DDAH1: variants seen among roughly 807,000 people sequenced by gnomAD.
The protein encoded by DDAH1 is dimethylarginine dimethylaminohydrolase 1.
A neutral mutation model predicts 28.8 loss-of-function variants in DDAH1; 19 were observed. That is an observed-to-expected ratio of 0.66 (90% confidence interval 0.46 to 0.97). The LOEUF (loss-of-function observed/expected upper bound fraction) is 0.97. Ranked by LOEUF, DDAH1 falls within the 50% of genes least tolerant of loss-of-function variation. DDAH1 has a pLI of 0.00. For missense variants in DDAH1, 326 were observed against 375.9 expected, an observed-to-expected ratio of 0.87 and a Z score of 1.10; for synonymous variants, 153 against 154.4, an observed-to-expected ratio of 0.99 and a Z score of 0.07.
Position 85,464,391 on chromosome 1 carries a change from C to T in DDAH1, c.303+352G>A. ...CCCGCCCTACCGGAGCGGCACCCCT[C>T]GCGGCCCTCGCTCCCTGGGAAACAC... On this transcript the variant is annotated intron_variant, in intron 1 of 5. Coordinates refer to ENST00000284031, the MANE Select transcript of DDAH1 (RefSeq NM_012137.4). This position sits in a 1 kb window ranked among gnomAD's most constrained non-coding sequence, Gnocchi z 4.4. 1 of 1,105,304 alleles carries T rather than the reference C, an allele frequency of 9.0e-7. No individual in the cohort carries two copies. The highest frequency in any genetic ancestry group is 1.2e-6 in the Non-Finnish European group (1 of 808,708). The allele number at this position is 1,105,304 out of a possible 1,614,324, so 68.5% of individuals were successfully genotyped here.
At chr1:85,546,504 C>T (rs1019001771) in intron 1 of DDAH1, among the ~76,000 whole-genome samples, 1 of 152,148 alleles carries the variant, frequency 6.6e-6, no homozygotes, top group African/African-American at 2.4e-5. Flanking sequence ...TTGTTGGCTC[C>T]TCCATCTCTA....
chr1:85,558,401 T>C (rs1336861300), intron 1 of DDAH1, among the ~76,000 whole-genome samples: 1 of 152,186 alleles, frequency 6.6e-6, no homozygotes, highest in Non-Finnish European at 1.5e-5. Flanking sequence ...TTAAGACATA[T>C]AGCTGTTTCT....
chr1:85,411,799 C>A (rs146994432), intron 1 of DDAH1, among the ~76,000 whole-genome samples: 2 of 152,294 alleles, frequency 1.3e-5, no homozygotes, highest in East Asian at 1.9e-4. Context: ...TAGAAGTATT[C>A]TGATCATGCT....
chr1:85,419,237 A>G (rs1653021314), intron 1 of DDAH1, among the ~76,000 whole-genome samples: 1 of 152,060 alleles, frequency 6.6e-6, no homozygotes, highest in South Asian at 2.1e-4. Context: ...AACAGTAGCA[A>G]TAAGAAAGTT....
At chr1:85,419,311 G>C (rs1415332693) in intron 1 of DDAH1, among the ~76,000 whole-genome samples, 2 of 151,840 alleles carry the variant, frequency 1.3e-5, no homozygotes, top group Non-Finnish European at 2.9e-5. Context: ...GGCCGAGGTG[G>C]GCAGATCACC....
chr1:85,401,414 T>G (rs916931218), intron 1 of DDAH1, among the ~76,000 whole-genome samples: 2 of 152,106 alleles, frequency 1.3e-5, no homozygotes. Flanking sequence ...TTATATTTAC[T>G]TTTAGGAAAA....
intron 1 of DDAH1, among the ~76,000 whole-genome samples, chr1:85,401,329 T>A (rs2100576827): frequency 1.3e-5 from 2 of 152,278 alleles, no homozygotes; most frequent in Middle Eastern, 3.4e-3. Context: ...ATTTATTCAC[T>A]TCCTTGGAGC....
chr1:85,482,774 T>G (rs1434744904), intron 2 of DDAH1, among the ~76,000 whole-genome samples: 1 of 152,214 alleles, frequency 6.6e-6, no homozygotes, highest in Non-Finnish European at 1.5e-5. Context: ...CATGTGACCC[T>G]TTACTATGTC....
intron 1 of DDAH1, among the ~76,000 whole-genome samples, chr1:85,447,126 C>T (rs536026278): frequency 6.6e-6 from 1 of 152,290 alleles, no homozygotes; most frequent in African/African-American, 2.4e-5. Context: ...ACAGGAGACA[C>T]CAATCACTGC....
chr1:85,545,512 G>GC (rs893737673), intron 1 of DDAH1, among the ~76,000 whole-genome samples: 1 of 152,156 alleles, frequency 6.6e-6, no homozygotes, highest in Non-Finnish European at 1.5e-5. Context: ...CATCCTGGCA[G>GC]CAGTGGGGCC....
At chr1:85,335,657 G>C (rs1453362957) in intron 4 of DDAH1, among the ~76,000 whole-genome samples, 4 of 152,132 alleles carry the variant, frequency 2.6e-5, no homozygotes, top group Admixed American at 1.3e-4. Context: ...GAAGCACCCA[G>C]ATATAAAAAG....
chr1:85,362,093 C>T (rs1170162008), intron 1 of DDAH1, among the ~76,000 whole-genome samples: 1 of 152,156 alleles, frequency 6.6e-6, no homozygotes, highest in East Asian at 1.9e-4. Flanking sequence ...CAGATCCCAT[C>T]TGCTTTCCTG....
At chr1:85,469,727 G>A (rs369181266), upstream of DDAH1, among the ~76,000 whole-genome samples, 169 of 152,242 alleles carry the variant, frequency 1.1e-3, 1 homozygote, top group Middle Eastern at 0.024. Flanking sequence ...ACCCACAAGT[G>A]TAATCATAGA....
chr1:85,452,899 C>A (rs561131936), intron 1 of DDAH1, among the ~76,000 whole-genome samples: 201 of 152,328 alleles, frequency 1.3e-3, no homozygotes, highest in Non-Finnish European at 2.6e-3. Context: ...ACTCAAGAAT[C>A]CCTGTAAACA....
chr1:85,404,559 TAGG>T, intron 1 of DDAH1: 3 of 1,343,658 alleles, frequency 2.2e-6, no homozygotes, highest in Non-Finnish European at 1.9e-6. Context: ...GAAAAAAAAA[TAGG>T]AGTTCATTTT....
rs978762738 is a variant in DDAH1 at position 85,318,736 on chromosome 1, A to G, written c.*2716T>C. 6.6e-6 allele frequency: 1 copy of G among 152,630 alleles called. No homozygotes were observed. The highest frequency in any genetic ancestry group is 2.4e-5 in the African/African-American group (1 of 41,440). The allele number at this position is 152,630 out of a possible 1,614,324, so 9.5% of individuals were successfully genotyped here. A position where few individuals can be genotyped will look rare whatever the true frequency, so the allele number is the denominator to read the frequency against. On this transcript the variant is annotated 3_prime_UTR_variant, in exon 6 of 6. Coordinates refer to ENST00000284031, the MANE Select transcript of DDAH1 (RefSeq NM_012137.4). The stretch of plus-strand genomic sequence containing the variant: ...AGAAAGTTAAAGTGTAAATAATTAC[A>G]AAGACTGACATGCAACTCTTTACCT...
intron 1 of DDAH1, among the ~76,000 whole-genome samples, chr1:85,532,037 A>G (rs1424447968): frequency 3.3e-5 from 5 of 151,696 alleles, no homozygotes; most frequent in African/African-American, 4.8e-5. Flanking sequence ...ACAGCTAACA[A>G]TTTTGGAGAA....
intron 1 of DDAH1, among the ~76,000 whole-genome samples, chr1:85,405,599 AG>A (rs1392345543): frequency 2.0e-5 from 3 of 151,082 alleles, no homozygotes; most frequent in Non-Finnish European, 2.9e-5. Flanking sequence ...TGGCTGGGAA[AG>A]ACTTGGTCCT....
intron 2 of DDAH1, among the ~76,000 whole-genome samples, chr1:85,490,324 G>A (rs1220526501): frequency 6.6e-6 from 1 of 152,196 alleles, no homozygotes; most frequent in African/African-American, 2.4e-5. Flanking sequence ...AATGTGAAAT[G>A]AGTGGGAAAA....
Sources: allele counts gnomAD v4.1 joint callset (sites outside exome capture counted in the v4.1 genomes callset), GRCh38; gene constraint gnomAD v4.1.1; non-coding constraint Gnocchi (gnomAD v3.1); transcripts MANE v1.5; gene names NCBI Gene and HGNC (gene_info 2026-07-23, HGNC 2026-07-21).